ETS1: variants seen among roughly 807,000 people sequenced by gnomAD.
ETS1 encodes ETS proto-oncogene 1, transcription factor.
In ETS1, 15 loss-of-function variants were observed where a neutral mutation model predicts 58.6. That is an observed-to-expected ratio of 0.26 (90% CI 0.17 to 0.39). ETS1 has a LOEUF of 0.39. ETS1 is among the 10% of genes least tolerant of loss of function. The pLI, the probability that ETS1 is intolerant of heterozygous loss-of-function variation, is 1.00. For synonymous variants in ETS1, 214 were observed against 218.2 expected, an observed-to-expected ratio of 0.98 and a Z score of 0.17; for missense variants, 417 against 610.5, an observed-to-expected ratio of 0.68 and a Z score of 3.34.
intron 8 of ETS1, among the ~76,000 whole-genome samples, chr11:128,467,098 T>A (rs1454126776): frequency 1.3e-5 from 2 of 152,170 alleles, no homozygotes; most frequent in African/African-American, 2.4e-5. Flanking sequence ...CTTTTTGTTG[T>A]GGGGAGCAAG....
intron 9 of ETS1, among the ~76,000 whole-genome samples, chr11:128,462,956 G>T (rs759785249): frequency 6.6e-6 from 1 of 152,206 alleles, no homozygotes; most frequent in Non-Finnish European, 1.5e-5. Flanking sequence ...TGAAGCGGAG[G>T]AGCTGAGCTG....
At chr11:128,483,009 GC>G (rs564316321) in intron 7 of ETS1, among the ~76,000 whole-genome samples, 43 of 152,316 alleles carry the variant, frequency 2.8e-4, no homozygotes, top group African/African-American at 9.4e-4. Flanking sequence ...ATAACAATCA[GC>G]TAACAGTAAT....
intron 3 of ETS1, among the ~76,000 whole-genome samples, chr11:128,546,862 C>T (rs1864140385): frequency 2.0e-5 from 3 of 152,106 alleles, no homozygotes; most frequent in Admixed American, 1.3e-4. Context: ...ACTAGAAAGG[C>T]CATGAGACGC....
At chr11:128,563,947 C>T (rs866167835) in intron 2 of ETS1, among the ~76,000 whole-genome samples, 23 of 152,306 alleles carry the variant, frequency 1.5e-4, no homozygotes, top group Middle Eastern at 6.8e-3. Context: ...TTGTGCGACT[C>T]CATGCACTTC....
At chr11:128,548,704 C>G (rs1175260667) in intron 3 of ETS1, among the ~76,000 whole-genome samples, 1 of 152,270 alleles carries the variant, frequency 6.6e-6, no homozygotes, top group South Asian at 2.1e-4. Context: ...AGCCCACGCC[C>G]GTCCTCTCCT....
intron 3 of ETS1, among the ~76,000 whole-genome samples, chr11:128,555,640 C>T (rs1864300442): frequency 6.6e-6 from 1 of 151,302 alleles, no homozygotes; most frequent in Non-Finnish European, 1.5e-5. Context: ...AAAAAAAAAA[C>T]ACTAGCTGGT....
intron 3 of ETS1, among the ~76,000 whole-genome samples, chr11:128,513,671 T>C (rs1311463619): frequency 1.3e-5 from 2 of 152,178 alleles, no homozygotes; most frequent in African/African-American, 4.8e-5. Context: ...ATAGGAGAAA[T>C]GTGTAGGTAC....
chr11:128,462,967 C>A (rs1223224191), intron 9 of ETS1, among the ~76,000 whole-genome samples: 2 of 152,214 alleles, frequency 1.3e-5, no homozygotes, highest in Non-Finnish European at 2.9e-5. Context: ...AGCTGAGCTG[C>A]AATCATACCT....
intron 3 of ETS1, chr11:128,522,259 C>G: frequency 1.7e-6 from 2 of 1,160,074 alleles, no homozygotes; most frequent in Non-Finnish European, 2.1e-6. Context: ...CTGCCCGGCC[C>G]TCGCCCGCTC....
intron 3 of ETS1, among the ~76,000 whole-genome samples, chr11:128,508,804 T>G (rs571760701): frequency 6.6e-6 from 1 of 152,262 alleles, no homozygotes; most frequent in Non-Finnish European, 1.5e-5. Context: ...GACTAGCTCG[T>G]GTAGGCAGAG....
chr11:128,542,434 G>A (rs1864070689), intron 3 of ETS1, among the ~76,000 whole-genome samples: 1 of 152,240 alleles, frequency 6.6e-6, no homozygotes, highest in East Asian at 1.9e-4. Context: ...GAATCACCAG[G>A]CTGACTCTTC....
intron 3 of ETS1, among the ~76,000 whole-genome samples, chr11:128,496,985 G>A (rs1456104095): frequency 1.3e-5 from 2 of 152,120 alleles, no homozygotes; most frequent in Non-Finnish European, 2.9e-5. Context: ...CCCATGCTGA[G>A]GCCACCCATC....
At chr11:128,541,696 C>T (rs1864060341) in intron 3 of ETS1, among the ~76,000 whole-genome samples, 1 of 152,132 alleles carries the variant, frequency 6.6e-6, no homozygotes, top group Non-Finnish European at 1.5e-5. Context: ...ATTTAATAAC[C>T]TGGTTTGATT....
rs1184436895 is a variant in ETS1, at chr11:128,549,248, C to T, written c.214+7043G>A. On this transcript the variant is annotated intron_variant, in intron 3 of 9. Coordinates refer to ENST00000392668, the MANE Select transcript of ETS1 (RefSeq NM_001143820.2). This position sits in a 1 kb window ranked among gnomAD's most constrained non-coding sequence, Gnocchi z 4.3. ...TGCGGCGCAGCCCGCCCCCACCCTC[C>T]ACTCTCACGCGCCCCTCGCCCCTCG... is the stretch of plus-strand genomic sequence containing the variant. 6.6e-6 allele frequency among the ~76,000 whole-genome samples: 1 copy of T among 151,816 alleles called. No homozygotes were observed. The highest frequency in any genetic ancestry group is 1.9e-4 in the East Asian group (1 of 5,168).
intron 3 of ETS1, among the ~76,000 whole-genome samples, chr11:128,502,137 G>A (rs1265187956): frequency 6.6e-6 from 1 of 152,224 alleles, no homozygotes; most frequent in Non-Finnish European, 1.5e-5. Flanking sequence ...GTTAGTCCCA[G>A]ACAGGAGGAA....
intron 3 of ETS1, among the ~76,000 whole-genome samples, chr11:128,543,926 T>TA (rs1864093095): frequency 2.0e-5 from 3 of 152,282 alleles, no homozygotes; most frequent in African/African-American, 7.2e-5. Context: ...TCAGTGGATC[T>TA]AAAAAACAGC....
intron 3 of ETS1, among the ~76,000 whole-genome samples, chr11:128,534,219 G>T (rs1386789741): frequency 3.3e-5 from 5 of 152,170 alleles, no homozygotes; most frequent in Admixed American, 1.3e-4. Flanking sequence ...TAGTCTTTGA[G>T]GTTTCTAGCT....
chr11:128,501,622 A>G (rs755836730), intron 3 of ETS1, among the ~76,000 whole-genome samples: 2 of 152,212 alleles, frequency 1.3e-5, no homozygotes, highest in Non-Finnish European at 2.9e-5. Flanking sequence ...GCCCCTAATA[A>G]AAATGTTGAA....
Position 128,480,414 on chromosome 11 carries a change from C to G in ETS1, c.900G>C (p.Glu300Asp), listed in dbSNP as rs1385293024. ...LGGQDSFESI[E>D]SYDSCDRLTQ... ...TGAGGCGATCACAACTATCGTAGCT[C>G]TCTATGCTTTCAAAAGAGTCCTGGC... Residue 300 changes from glutamate (E) to aspartate (D), a missense_variant, in exon 8 of 10, where the codon GAG (glutamate) becomes GAC (aspartate). Transcript: ENST00000392668. 2 of 1,613,776 alleles carry G rather than the reference C, an allele frequency of 1.2e-6. No homozygotes were observed. The highest frequency in any genetic ancestry group is 2.2e-5 in the East Asian group (1 of 44,856).
Sources: allele counts gnomAD v4.1 joint callset (sites outside exome capture counted in the v4.1 genomes callset), GRCh38; gene constraint gnomAD v4.1.1; non-coding constraint Gnocchi (gnomAD v3.1); transcripts MANE v1.5; gene names NCBI Gene and HGNC (gene_info 2026-07-23, HGNC 2026-07-21).